ZNF516: variants seen among roughly 807,000 people sequenced by gnomAD.
ZNF516 encodes zinc finger protein 516.
A neutral mutation model predicts 79.7 loss-of-function variants in ZNF516; 19 were observed. That is an observed-to-expected ratio of 0.24 (90% CI 0.17 to 0.35). The LOEUF (loss-of-function observed/expected upper bound fraction) is 0.35. Among genes scored for constraint, ZNF516 ranks in the 10% least tolerant of loss-of-function variants. The pLI, the probability that ZNF516 is intolerant of heterozygous loss-of-function variation, is 1.00. For synonymous variants in ZNF516, 877 were observed against 739.5 expected (o/e 1.19, Z -3.02); for missense variants, 1,678 against 1,679.5 (o/e 1.00, Z 0.02).
rs1008699860 is a variant in ZNF516 at position 76,490,241 on chromosome 18, T to C, written c.-272+4903A>G. The C allele has an allele frequency of 1.6e-5, 16 of 980,730 alleles. No homozygotes were observed. In the South Asian group the frequency reaches 7.1e-4, roughly 43 times the overall value. The allele number at this position is 980,730 out of a possible 1,614,324, so 60.8% of individuals were successfully genotyped here. On this transcript the variant is annotated intron_variant, in intron 1 of 6. Transcript: ENST00000443185. ...ACAAGTAACCCAACTCTCAAACCCC[T>C]GACACCACGGCAGGCTCCTACGCAA...
At chr18:76,488,331 G>A in intron 1 of ZNF516, 1 of 893,126 alleles carries the variant, frequency 1.1e-6, no homozygotes, top group Non-Finnish European at 1.3e-6. Context: ...CAATTCGCAG[G>A]CAGCCAGGAA....
In ZNF516 at chr18:76,444,515, CG is replaced by C. The variant is rs1568300127; in HGVS notation, c.-157-1305del. 8.5e-5 allele frequency among the ~76,000 whole-genome samples: 13 copies of C among 152,298 alleles called. No homozygotes were observed. The South Asian group carries it at 2.7e-3, about 32-fold the overall frequency. On this transcript the variant is annotated intron_variant, in intron 2 of 6. Coordinates refer to ENST00000443185, the MANE Select transcript of ZNF516 (RefSeq NM_014643.4). ...AAAACCCAAAGCAGCTCCATATTTCCGGCTGGGAAGCACACAACACATTAAC... is the reference window on the plus strand; with the variant it reads ...AAAACCCAAAGCAGCTCCATATTTCCGCTGGGAAGCACACAACACATTAAC...
At chr18:76,384,530 G>A (rs1478619324) in intron 3 of ZNF516, among the ~76,000 whole-genome samples, 3 of 59,532 alleles carry the variant, frequency 5.0e-5, no homozygotes, top group South Asian at 6.9e-4. Flanking sequence ...CCCCCTCCAC[G>A]AACCCCACGC....
At chr18:76,447,722 C>T (rs1286948440) in intron 2 of ZNF516, among the ~76,000 whole-genome samples, 1 of 152,174 alleles carries the variant, frequency 6.6e-6, no homozygotes, top group East Asian at 1.9e-4. Flanking sequence ...CCTGTGTGTT[C>T]AATCACAGAT....
At chr18:76,484,942 T>G (rs1914743382) in intron 1 of ZNF516, among the ~76,000 whole-genome samples, 1 of 152,230 alleles carries the variant, frequency 6.6e-6, no homozygotes, top group Admixed American at 6.5e-5. Flanking sequence ...GAGGCTAATT[T>G]TAATCCTACC....
At chr18:76,415,799 A>G (rs1048162638) in intron 3 of ZNF516, among the ~76,000 whole-genome samples, 19 of 152,200 alleles carry the variant, frequency 1.2e-4, no homozygotes, top group African/African-American at 4.1e-4. Flanking sequence ...CTGATTCAGG[A>G]TAAGTCTGCA....
intron 3 of ZNF516, among the ~76,000 whole-genome samples, chr18:76,405,562 T>C (rs989443960): frequency 6.6e-6 from 1 of 152,110 alleles, no homozygotes; most frequent in Non-Finnish European, 1.5e-5. Context: ...CTGGTTCCTG[T>C]CTTCCCTTCT....
At chr18:76,362,649 C>T (rs1310207848) in intron 6 of ZNF516, 92 bp from the exon 7 acceptor site, 7 of 1,295,138 alleles carry the variant, frequency 5.4e-6, no homozygotes, top group African/African-American at 1.5e-5. Flanking sequence ...TAATCAACAT[C>T]CAAGAACACA....
chr18:76,428,764 G>T (rs539957084), intron 3 of ZNF516, among the ~76,000 whole-genome samples: 25 of 152,242 alleles, frequency 1.6e-4, no homozygotes, highest in African/African-American at 6.0e-4. Flanking sequence ...AGGTGAGGCC[G>T]GTAAGGACAG....
intron 3 of ZNF516, among the ~76,000 whole-genome samples, chr18:76,391,653 T>C (rs1240637484): frequency 6.6e-6 from 1 of 152,094 alleles, no homozygotes; most frequent in East Asian, 1.9e-4. Flanking sequence ...TCCCCAAACA[T>C]GATGTACTGG....
Position 76,467,489 on chromosome 18 carries a change from G to C in ZNF516, c.-271-4348C>G, listed in dbSNP as rs1178339084. On this transcript the variant is annotated intron_variant, in intron 1 of 6. Coordinates refer to ENST00000443185, the MANE Select transcript of ZNF516 (RefSeq NM_014643.4). This position sits in a 1 kb window ranked among gnomAD's most constrained non-coding sequence, Gnocchi z 4.2. ...AACTAGATATTAAGCACACCTCGGG[G>C]GCAGTGCTGGAATTACAGCATCCAC... 6.6e-6 allele frequency among the ~76,000 whole-genome samples: 1 copy of C among 152,162 alleles called. No individual in the cohort carries two copies. Among genetic ancestry groups the C allele is most frequent in the East Asian group, 1.9e-4 (1 of 5,184 alleles).
chr18:76,397,931 G>A (rs1387645037), intron 3 of ZNF516, among the ~76,000 whole-genome samples: 1 of 152,156 alleles, frequency 6.6e-6, no homozygotes, highest in East Asian at 1.9e-4. Context: ...AACAAAAACA[G>A]TCCCAAATTA....
chr18:76,375,575 G>T (rs2074773411), intron 4 of ZNF516, among the ~76,000 whole-genome samples: 1 of 151,668 alleles, frequency 6.6e-6, no homozygotes, highest in African/African-American at 2.4e-5. Flanking sequence ...CGGAGACCAG[G>T]GAGAGGATGG....
chr18:76,469,448 T>C (rs1054741756), intron 1 of ZNF516, among the ~76,000 whole-genome samples: 1 of 152,214 alleles, frequency 6.6e-6, no homozygotes, highest in Non-Finnish European at 1.5e-5. Context: ...CATATTTTCC[T>C]TTCTACATTG....
intron 3 of ZNF516, among the ~76,000 whole-genome samples, chr18:76,418,506 C>T (rs1276462930): frequency 6.6e-6 from 1 of 151,982 alleles, no homozygotes; most frequent in Non-Finnish European, 1.5e-5. Flanking sequence ...CGCTGTAACA[C>T]GCACTGTAAC....
At chr18:76,408,028 C>T (rs1320049362) in intron 3 of ZNF516, among the ~76,000 whole-genome samples, 3 of 152,330 alleles carry the variant, frequency 2.0e-5, no homozygotes, top group Non-Finnish European at 2.9e-5. Context: ...AGTTTTGGCA[C>T]GCTAGACATG....
chr18:76,490,934 A>T (rs1915144579), intron 1 of ZNF516: 1 of 985,376 alleles, frequency 1.0e-6, no homozygotes, highest in Non-Finnish European at 1.2e-6. Flanking sequence ...TTTACCGCGG[A>T]GACACTGTGA....
At position 76,493,137 on chromosome 18, in the gene ZNF516, A is replaced by G; in HGVS notation, c.-272+2007T>C. The G allele has an allele frequency of 1.0e-6, 1 of 985,208 alleles. No individual in the cohort carries two copies. The highest frequency in any genetic ancestry group is 1.2e-6 in the Non-Finnish European group (1 of 829,846). 61.0% of individuals were successfully genotyped at this position (985,208 alleles called of 1,614,324 possible). On this transcript the variant is annotated intron_variant, in intron 1 of 6. Transcript: ENST00000443185. This position sits in a 1 kb window ranked among gnomAD's most constrained non-coding sequence, Gnocchi z 5.2. ...CCTCTCCTCCCTACCGTTTCATTTAATGGTAAAACAACAGCAGAGCTCTGA... is the reference window on the plus strand; with the variant it reads ...CCTCTCCTCCCTACCGTTTCATTTAGTGGTAAAACAACAGCAGAGCTCTGA...
intron 1 of ZNF516, among the ~76,000 whole-genome samples, chr18:76,481,667 T>A (rs1228261490): frequency 6.6e-6 from 1 of 152,192 alleles, no homozygotes; most frequent in Non-Finnish European, 1.5e-5. Flanking sequence ...GCATATTAAA[T>A]AACACATATA....
Sources: gnomAD v4.1 joint callset for allele counts (sites outside exome capture counted in the v4.1 genomes callset) on GRCh38, gnomAD v4.1.1 for gene constraint, Gnocchi (gnomAD v3.1) non-coding constraint, MANE v1.5 for transcripts, NCBI Gene and HGNC (gene_info 2026-07-23, HGNC 2026-07-21) for gene names.